Variants in ZBTB11 observed in about 807,000 individuals in gnomAD.
ZBTB11 encodes zinc finger and BTB domain-containing protein 11.
Under a neutral mutation model 113.1 loss-of-function variants are expected in ZBTB11, and 68 were observed. The ratio of observed to expected loss-of-function variants is 0.60; its 90% CI spans 0.49 to 0.74. The LOEUF (loss-of-function observed/expected upper bound fraction) is 0.74. Ranked by LOEUF, ZBTB11 falls within the 30% of genes least tolerant of loss-of-function variation. ZBTB11 has a pLI of 0.00. For synonymous variants in ZBTB11, 518 were observed against 452.6 expected (o/e 1.14, Z -1.83); for missense variants, 1,104 against 1,279.4 (o/e 0.86, Z 2.09).
chr3:101,671,467 A>G, intron 2 of ZBTB11, 106 bp from the exon 3 acceptor site: 1 of 777,192 alleles, frequency 1.3e-6, no homozygotes, highest in Non-Finnish European at 2.1e-6. Flanking sequence ...CCAGGTATGA[A>G]TAATTTGATA....
In ZBTB11 at chr3:101,650,670, T is replaced by C. The variant is rs569233958; in HGVS notation, c.*496A>G. ...TCTAAAGCATTTAAAAAACGTAATA[T>C]ACCTATGCATCCTATTGAAATGCTT... On this transcript the variant is annotated 3_prime_UTR_variant, in exon 11 of 11. Transcript: ENST00000312938. 7 of 152,866 alleles carry C rather than the reference T, an allele frequency of 4.6e-5. No homozygotes were observed. Among genetic ancestry groups the C allele is most frequent in the African/African-American group, 1.7e-4 (7 of 41,562 alleles). The allele number at this position is 152,866 out of a possible 1,614,324, so 9.5% of individuals were successfully genotyped here. A position where few individuals can be genotyped will look rare whatever the true frequency, so the allele number is the denominator to read the frequency against.
At chr3:101,676,108 G>T (rs1413039760) in intron 1 of ZBTB11, among the ~76,000 whole-genome samples, 3 of 152,224 alleles carry the variant, frequency 2.0e-5, no homozygotes, top group African/African-American at 7.2e-5. Flanking sequence ...GAACACTAGC[G>T]AATGTGTCCA....
At chr3:101,674,669 A>C (rs1253907696) in intron 1 of ZBTB11, among the ~76,000 whole-genome samples, 1 of 151,960 alleles carries the variant, frequency 6.6e-6, no homozygotes, top group African/African-American at 2.4e-5. Flanking sequence ...ACTGCACTCC[A>C]GCCTGGGCAA....
chr3:101,676,860 C>A lies in ZBTB11; in HGVS notation c.55G>T (p.Glu19Ter). The part of the protein sequence containing the change: ...AILRYLTNER[E>*]PYAPGTEGNV... The stretch of plus-strand genomic sequence containing the variant: ...CCCTCGGTGCCCGGCGCATACGGCT[C>A]GCGCTCGTTCGTCAGGTAACGCAGG... The change falls in exon 1 of 11, where the codon GAG (glutamate) becomes TAG (stop). Residue 19 changes from glutamate (E) to a stop codon, truncating the protein, a stop_gained. Coordinates refer to ENST00000312938, the MANE Select transcript of ZBTB11 (RefSeq NM_014415.4). LOFTEE classifies it high-confidence loss of function. 6.2e-7 allele frequency: 1 copy of A among 1,609,058 alleles called. No individual in the cohort carries two copies. The highest frequency in any genetic ancestry group is 8.5e-7 in the Non-Finnish European group (1 of 1,177,814).
intron 3 of ZBTB11, among the ~76,000 whole-genome samples, chr3:101,669,954 G>A (rs1185541075): frequency 2.0e-5 from 3 of 151,386 alleles, no homozygotes; most frequent in Non-Finnish European, 4.4e-5. Context: ...TCAGCCTCCC[G>A]AGTAGCTGGG....
chr3:101,675,565 A>G (rs1219922116), intron 1 of ZBTB11, among the ~76,000 whole-genome samples: 2 of 152,240 alleles, frequency 1.3e-5, no homozygotes, highest in Non-Finnish European at 2.9e-5. Flanking sequence ...ACTATTAACT[A>G]ATTCTGACAG....
chr3:101,663,783 A>T (rs1005228589), intron 5 of ZBTB11, among the ~76,000 whole-genome samples: 1 of 152,094 alleles, frequency 6.6e-6, no homozygotes, highest in African/African-American at 2.4e-5. Context: ...CCAGCTACTC[A>T]GGAGGCTGAG....
At position 101,664,995 on chromosome 3, in the gene ZBTB11, C is replaced by T. The variant is rs575254977; in HGVS notation, c.1592G>A (p.Arg531Gln). 2.9e-5 allele frequency: 47 copies of T among 1,612,278 alleles called. No homozygotes were observed. The highest frequency in any genetic ancestry group is 4.0e-5 in the African/African-American group (3 of 74,954). The change falls in exon 4 of 11, where the codon CGG becomes CAG. Residue 531 changes from arginine to glutamine, a missense_variant. Physicochemically the swap from Arg to Gln is conservative, Grantham distance 43. Around this residue, in one of 5 missense-constraint regions of ZBTB11, gnomAD observed 535 missense variants for 518.6 expected, o/e 1.03. Transcript: ENST00000312938. The stretch of plus-strand genomic sequence containing the variant: ...AACTGCTGACTTGGGAACGGCTTTC[C>T]GTTTCTGCAGCTTTTTCTCCATTCC... ...HKGMEKKLQK[R>Q]KAVPKSAVQQ...
intron 1 of ZBTB11, among the ~76,000 whole-genome samples, chr3:101,674,491 ATC>A (rs1430184760): frequency 2.0e-5 from 3 of 152,200 alleles, no homozygotes; most frequent in South Asian, 4.1e-4. Flanking sequence ...TGAGCAGATC[ATC>A]TGAGCTCAGG....
In ZBTB11 at chr3:101,665,238, G is replaced by A. The variant is rs774057270; in HGVS notation, c.1349C>T (p.Ser450Leu). 5.0e-6 allele frequency: 8 copies of A among 1,614,014 alleles called. No individual in the cohort carries two copies. Among genetic ancestry groups the A allele is most frequent in the Middle Eastern group, 1.6e-4 (1 of 6,084 alleles). ...KLSKENVISS[S>L]PEDSGMGNDI... ...ATTTCCCATACCACTATCCTCTGGC[G>A]AGCTACTAATTACATTCTCTTTTGA... The change falls in exon 4 of 11, where the codon TCG (serine) becomes TTG (leucine). Residue 450 changes from serine (S) to leucine (L), a missense_variant. By Grantham distance (145) the Ser-to-Leu change is moderately radical. Transcript: ENST00000312938.
intron 1 of ZBTB11, among the ~76,000 whole-genome samples, chr3:101,676,281 G>T (rs1372365001): frequency 7.6e-6 from 1 of 131,082 alleles, no homozygotes; most frequent in Non-Finnish European, 1.7e-5. Flanking sequence ...GAGGGCCGGG[G>T]CCTACAGCCT....
chr3:101,662,227 G>C (rs1936903895), intron 5 of ZBTB11: 2 of 151,646 alleles, frequency 1.3e-5, no homozygotes, highest in Admixed American at 1.3e-4. Flanking sequence ...GCCTGGTCTT[G>C]AACTCCTGGG....
At chr3:101,659,632 C>T (rs2288272) in intron 6 of ZBTB11, 151 bp downstream of exon 6, 303,688 of 920,900 alleles carry the variant, frequency 0.33, 52,005 homozygotes, top group Non-Finnish European at 0.35. Flanking sequence ...CATAGGGAAT[C>T]ACCTTTGATC....
chr3:101,664,642 C>T lies in ZBTB11; in HGVS notation c.1696G>A (p.Glu566Lys), dbSNP rs202019961. The change falls in exon 5 of 11, where the codon GAA (glutamate) becomes AAA (lysine). Residue 566 changes from glutamate to lysine, a missense_variant. By Grantham distance (56) the Glu-to-Lys change is moderately conservative. Coordinates refer to ENST00000312938, the MANE Select transcript of ZBTB11 (RefSeq NM_014415.4). Reference sequence around the variant, plus strand: ...CATTCCCCACATTTATGAGATGCTTCTTCTGTGTTCTCTTTAGCATCTCTT... The same window carrying T: ...CATTCCCCACATTTATGAGATGCTTTTTCTGTGTTCTCTTTAGCATCTCTT... Reference protein sequence around the residue: ...PKRDAKENTEEASHKCGECGM... With the variant: ...PKRDAKENTEKASHKCGECGM... The T allele has an allele frequency of 1.9e-6, 3 of 1,613,796 alleles. No homozygotes were observed. The East Asian group carries it at 6.7e-5, about 36-fold the overall frequency.
At position 101,651,195 on chromosome 3, in the gene ZBTB11, CTACTT is replaced by C. The variant is rs1309962090; in HGVS notation, c.3128_3132del (p.Lys1043ArgfsTer66). 3.7e-6 allele frequency: 6 copies of C among 1,602,926 alleles called. No individual in the cohort carries two copies. The highest frequency in any genetic ancestry group is 1.3e-5 in the African/African-American group (1 of 74,566). ...TCTCCTCCTGAAATATGTGCTACCT[CTACTT>C]TAACAGTTTGAATAGCTTCTGCAAC... On this transcript the variant is annotated frameshift_variant, in exon 11 of 11. Transcript: ENST00000312938. LOFTEE classifies it high-confidence loss of function.
At chr3:101,659,697 G>T (rs1936854661) in intron 6 of ZBTB11, 86 bp downstream of exon 6, 1 of 1,495,550 alleles carries the variant, frequency 6.7e-7, no homozygotes. Flanking sequence ...AGAGTGACTT[G>T]AGAATACATA....
intron 3 of ZBTB11, among the ~76,000 whole-genome samples, chr3:101,669,515 A>G (rs1280128708): frequency 6.6e-6 from 1 of 152,336 alleles, no homozygotes; most frequent in East Asian, 1.9e-4. Context: ...CATTTGCTAT[A>G]AACTGCTGAG....
chr3:101,654,616 C>T, intron 8 of ZBTB11, 88 bp downstream of exon 8: 1 of 1,098,714 alleles, frequency 9.1e-7, no homozygotes, highest in Non-Finnish European at 1.3e-6. Flanking sequence ...ACTGAAGTTA[C>T]AGTTTAATAT....
At chr3:101,663,309 C>A (rs1323430780) in intron 5 of ZBTB11, among the ~76,000 whole-genome samples, 1 of 152,106 alleles carries the variant, frequency 6.6e-6, no homozygotes, top group Non-Finnish European at 1.5e-5. Context: ...TGAGCTCAAG[C>A]AATCTGCCTG....
Sources: gnomAD v4.1 joint callset for allele counts (sites outside exome capture counted in the v4.1 genomes callset) on GRCh38, gnomAD v4.1.1 for gene constraint, gnomAD v4.1.1 regional missense constraint, MANE v1.5 for transcripts, NCBI Gene and HGNC (gene_info 2026-07-23, HGNC 2026-07-21) for gene names.